The following ZMAT3 variants were observed in gnomAD, a reference collection of about 807,000 sequenced individuals.
The protein encoded by ZMAT3 is zinc finger matrin-type protein 3.
A neutral mutation model predicts 32.3 loss-of-function variants in ZMAT3; 17 were observed. The ratio of observed to expected loss-of-function variants is 0.53; its 90% CI spans 0.36 to 0.79. The LOEUF is 0.79. Ranked by LOEUF, ZMAT3 falls within the 30% of genes least tolerant of loss-of-function variation. The probability of loss-of-function intolerance (pLI) is 0.00; values close to 1 mark genes in which losing one functional copy is unlikely to be tolerated. For synonymous variants in ZMAT3, 120 were observed against 133.1 expected, an observed-to-expected ratio of 0.90 and a Z score of 0.68; for missense variants, 329 against 359.7, an observed-to-expected ratio of 0.91 and a Z score of 0.69.
chr3:179,067,525 A>G lies in ZMAT3; in HGVS notation c.228T>C (p.Asn76=). 6.2e-7 allele frequency: 1 copy of G among 1,614,198 alleles called. No homozygotes were observed. The highest frequency in any genetic ancestry group is 2.2e-5 in the East Asian group (1 of 44,884). Residue 76 remains asparagine (N), a synonymous_variant, in exon 2 of 6, where the codon AAT becomes AAC. Transcript: ENST00000311417. ...LCKPLYCKLC[N]VTLNSAQQAQ... is the part of the protein sequence containing the mutation. ...CTTGCTGTGCAGAGTTCAAGGTGACATTGCAGAGTTTGCAGTACAGGGGCT... is the reference window on the plus strand; with the variant it reads ...CTTGCTGTGCAGAGTTCAAGGTGACGTTGCAGAGTTTGCAGTACAGGGGCT...
At chr3:179,069,648 AC>A (rs1721606938) in intron 1 of ZMAT3, among the ~76,000 whole-genome samples, 1 of 152,236 alleles carries the variant, frequency 6.6e-6, no homozygotes, top group African/African-American at 2.4e-5. Flanking sequence ...ACTACACAGC[AC>A]CTGAAAATCA....
intron 2 of ZMAT3, among the ~76,000 whole-genome samples, chr3:179,035,839 T>C (rs1411828946): frequency 6.6e-6 from 1 of 152,224 alleles, no homozygotes; most frequent in Non-Finnish European, 1.5e-5. Context: ...CACGGAAGAC[T>C]TCCCTGAAAA....
At chr3:179,032,606 GC>G (rs1181707104) in intron 2 of ZMAT3, among the ~76,000 whole-genome samples, 1 of 149,890 alleles carries the variant, frequency 6.7e-6, no homozygotes, top group Non-Finnish European at 1.5e-5. Context: ...GAGCACCTCT[GC>G]CCCGCCGCCC....
rs1184016915 is a variant in ZMAT3 at position 179,020,916 on chromosome 3, C to A, written c.*4101G>T. On this transcript the variant is annotated 3_prime_UTR_variant, in exon 6 of 6. Transcript: ENST00000311417. The stretch of plus-strand genomic sequence containing the variant: ...CAAACTGTAGATAGGTAGCTATAAG[C>A]AAGCATATAGTTCTGTAGAAAAGCT... 6.6e-6 allele frequency: 1 copy of A among 152,174 alleles called. No individual in the cohort carries two copies. The highest frequency in any genetic ancestry group is 1.5e-5 in the Non-Finnish European group (1 of 68,022). 9.4% of individuals were successfully genotyped at this position (152,174 alleles called of 1,614,324 possible).
At chr3:179,061,062 G>GA (rs11364006) in intron 2 of ZMAT3, among the ~76,000 whole-genome samples, 16 of 150,600 alleles carry the variant, frequency 1.1e-4, no homozygotes, top group East Asian at 1.9e-4. Flanking sequence ...TTTATTTCAA[G>GA]AAAAAAAAAA....
chr3:179,032,872 G>A (rs187521494), intron 2 of ZMAT3, among the ~76,000 whole-genome samples: 1 of 150,990 alleles, frequency 6.6e-6, no homozygotes, highest in Non-Finnish European at 1.5e-5. Flanking sequence ...GAGGTGGGGG[G>A]CAGCCCCCGC....
At chr3:179,063,983 G>A (rs1331897722) in intron 2 of ZMAT3, among the ~76,000 whole-genome samples, 2 of 152,190 alleles carry the variant, frequency 1.3e-5, no homozygotes, top group Non-Finnish European at 2.9e-5. Context: ...GGGAACACTG[G>A]GATGTCAGGA....
chr3:179,057,622 C>A (rs1298733952), intron 2 of ZMAT3, among the ~76,000 whole-genome samples: 1 of 152,220 alleles, frequency 6.6e-6, no homozygotes, highest in Admixed American at 6.5e-5. Flanking sequence ...TTCCTCACTA[C>A]CTGTGGCTAC....
Position 179,071,746 on chromosome 3 carries a change from C to T in ZMAT3, c.-209G>A, listed in dbSNP as rs533931712. 5 of 152,878 alleles carry T rather than the reference C, an allele frequency of 3.3e-5. No homozygotes were observed. The highest frequency in any genetic ancestry group is 1.2e-4 in the African/African-American group (5 of 41,464). 9.5% of individuals were successfully genotyped at this position (152,878 alleles called of 1,614,324 possible). On this transcript the variant is annotated 5_prime_UTR_variant, in exon 1 of 6. Coordinates refer to ENST00000311417, the MANE Select transcript of ZMAT3 (RefSeq NM_022470.4). ...GCCGCCGCCGAGCCCCCTCCGCAGC[C>T]GAAGGCTGACTGTCAAAAGTCAGTC...
intron 1 of ZMAT3, among the ~76,000 whole-genome samples, chr3:179,068,996 T>G (rs1181382882): frequency 6.6e-6 from 1 of 152,200 alleles, no homozygotes; most frequent in East Asian, 1.9e-4. Flanking sequence ...CAGTCCCCAC[T>G]CAGCTGCTGC....
At chr3:179,033,507 T>TA (rs542334189) in intron 2 of ZMAT3, among the ~76,000 whole-genome samples, 318 of 141,090 alleles carry the variant, frequency 2.3e-3, no homozygotes, top group Non-Finnish European at 3.2e-3. Context: ...AAAAAAATTT[T>TA]AAAAAAAAGG....
chr3:179,070,655 A>T (rs956869706), intron 1 of ZMAT3, among the ~76,000 whole-genome samples: 1 of 152,250 alleles, frequency 6.6e-6, no homozygotes, highest in African/African-American at 2.4e-5. Flanking sequence ...TTGGTTTAAA[A>T]GGGACTAATT....
intron 2 of ZMAT3, among the ~76,000 whole-genome samples, chr3:179,038,321 C>T (rs1466675654): frequency 3.9e-5 from 6 of 152,194 alleles, no homozygotes; most frequent in South Asian, 2.1e-4. Flanking sequence ...TGGCTCATGC[C>T]TATAATCCCA....
intron 2 of ZMAT3, among the ~76,000 whole-genome samples, chr3:179,043,201 T>C (rs1576854920): frequency 6.6e-6 from 1 of 152,218 alleles, no homozygotes; most frequent in Non-Finnish European, 1.5e-5. Context: ...AATGACTTTC[T>C]TCACAGAATT....
Position 179,046,528 on chromosome 3 carries a change from T to C in ZMAT3, c.271-15529A>G, listed in dbSNP as rs1720246724. 2.6e-5 allele frequency among the ~76,000 whole-genome samples: 4 copies of C among 152,114 alleles called. No individual in the cohort carries two copies. Among genetic ancestry groups the C allele is most frequent in the Admixed American group, 2.6e-4 (4 of 15,274 alleles). On this transcript the variant is annotated intron_variant, in intron 2 of 5. Transcript: ENST00000311417. The surrounding 1 kb of genome is among the most constrained non-coding windows in gnomAD (Gnocchi z 4.3). Reference sequence around the variant, plus strand: ...CACAGGCCCTTTGAAGGAGGCGGATTGCCACTGCAGACTCCGTGGGACAGC... The same window carrying C: ...CACAGGCCCTTTGAAGGAGGCGGATCGCCACTGCAGACTCCGTGGGACAGC...
rs1322808652 is a variant in ZMAT3, at chr3:179,027,361, A to T, written c.658+62T>A. 6.3e-6 allele frequency: 9 copies of T among 1,437,052 alleles called. No homozygotes were observed. In the East Asian group the frequency reaches 2.1e-4, roughly 33 times the overall value. The allele number at this position is 1,437,052 out of a possible 1,614,324, so 89.0% of individuals were successfully genotyped here. A position where few individuals can be genotyped will look rare whatever the true frequency, so the allele number is the denominator to read the frequency against. On this transcript the variant is annotated intron_variant, in intron 5 of 5. Transcript: ENST00000311417. ...AGGGCTATCTATTATCATTAAAAGA[A>T]ATAAAAACAAAGGAGACTAGGTACA...
chr3:179,059,952 A>G (rs993568046), intron 2 of ZMAT3, among the ~76,000 whole-genome samples: 23 of 152,156 alleles, frequency 1.5e-4, no homozygotes, highest in African/African-American at 5.3e-4. Context: ...CCAGTAAGAG[A>G]GCTCACTAAA....
At position 179,030,891 on chromosome 3, in the gene ZMAT3, C is replaced by T. The variant is rs763038459; in HGVS notation, c.379G>A (p.Val127Ile). Residue 127 changes from valine to isoleucine, a missense_variant, in exon 3 of 6, where the codon GTC (valine) becomes ATC (isoleucine). Val to Ile is a conservative substitution (Grantham distance 29). Coordinates refer to ENST00000311417, the MANE Select transcript of ZMAT3 (RefSeq NM_022470.4). ...CACACATGTCTCACCTGCGGAGGGA[C>T]TGGAACAACTGGAGTAGCTGCAGGC... is the stretch of plus-strand genomic sequence containing the variant. ...VEPAATPVVP[V>I]PPQMGSFKPG... The T allele has an allele frequency of 2.0e-5, 32 of 1,613,302 alleles. No individual in the cohort carries two copies. Among genetic ancestry groups the T allele is most frequent in the African/African-American group, 1.3e-5 (1 of 74,910 alleles).
At chr3:179,071,533 A>T (rs1721715954) in intron 1 of ZMAT3, 62 bp downstream of exon 1, 1 of 152,270 alleles carries the variant, frequency 6.6e-6, no homozygotes, top group South Asian at 2.1e-4. Flanking sequence ...AGGAACCGCT[A>T]GTCCCCGGCG....
Sources: gnomAD v4.1 joint callset for allele counts (sites outside exome capture counted in the v4.1 genomes callset) on GRCh38, gnomAD v4.1.1 for gene constraint, Gnocchi (gnomAD v3.1) non-coding constraint, MANE v1.5 for transcripts, NCBI Gene and HGNC (gene_info 2026-07-23, HGNC 2026-07-21) for gene names.